Variants in SLC2A12 observed in about 807,000 individuals in gnomAD.
The protein encoded by SLC2A12 is solute carrier family 2, facilitated glucose transporter member 12.
SLC2A12 carries 23 observed loss-of-function variants against 41.8 expected under a neutral mutation model. The ratio of observed to expected loss-of-function variants is 0.55; its 90% confidence interval spans 0.40 to 0.78. The LOEUF (loss-of-function observed/expected upper bound fraction) is 0.78. Among genes scored for constraint, SLC2A12 ranks in the 30% least tolerant of loss-of-function variants. The probability of loss-of-function intolerance (pLI) is 0.00; values close to 1 mark genes in which losing one functional copy is unlikely to be tolerated. For missense variants in SLC2A12, 654 were observed against 745.6 expected (o/e 0.88, Z 1.43); for synonymous variants, 295 against 285.9 (o/e 1.03, Z -0.32).
At chr6:133,997,155 G>A (rs1006754868) in intron 4 of SLC2A12, among the ~76,000 whole-genome samples, 7 of 151,192 alleles carry the variant, frequency 4.6e-5, no homozygotes, top group African/African-American at 1.5e-4. Context: ...TACTTGGGAG[G>A]CTGAGGCAGG....
intron 1 of SLC2A12, among the ~76,000 whole-genome samples, chr6:134,040,379 T>C (rs1262754342): frequency 1.3e-5 from 2 of 152,146 alleles, no homozygotes; most frequent in African/African-American, 4.8e-5. Context: ...ACGCCAGGTC[T>C]CAGGTATTTC....
At chr6:133,998,546 G>A (rs748865205) in intron 4 of SLC2A12, among the ~76,000 whole-genome samples, 1 of 152,238 alleles carries the variant, frequency 6.6e-6, no homozygotes, top group Non-Finnish European at 1.5e-5. Context: ...TACTTTTTGT[G>A]TGTGTGTGCT....
chr6:134,027,755 T>A (rs1005185280), intron 2 of SLC2A12, among the ~76,000 whole-genome samples: 1 of 152,190 alleles, frequency 6.6e-6, no homozygotes, highest in African/African-American at 2.4e-5. Flanking sequence ...AGCAGACTAG[T>A]TATATAAAAT....
intron 2 of SLC2A12, among the ~76,000 whole-genome samples, chr6:134,016,589 A>G (rs1776966219): frequency 6.6e-6 from 1 of 151,564 alleles, no homozygotes; most frequent in Non-Finnish European, 1.5e-5. Flanking sequence ...TAACTTGTTG[A>G]TATTCTAGCT....
chr6:134,043,755 G>A (rs1323765588), intron 1 of SLC2A12, among the ~76,000 whole-genome samples: 1 of 141,656 alleles, frequency 7.1e-6, no homozygotes, highest in Admixed American at 7.4e-5. Flanking sequence ...TCACACCACT[G>A]CACCCTAGCC....
At chr6:134,015,572 T>C (rs1231587522) in intron 2 of SLC2A12, among the ~76,000 whole-genome samples, 1 of 152,218 alleles carries the variant, frequency 6.6e-6, no homozygotes, top group East Asian at 1.9e-4. Flanking sequence ...AATTATCCCA[T>C]AAGAATGGTG....
chr6:134,011,812 TGGGCA>T (rs1467503540), intron 2 of SLC2A12, among the ~76,000 whole-genome samples: 3 of 151,674 alleles, frequency 2.0e-5, no homozygotes, highest in Non-Finnish European at 4.4e-5. Flanking sequence ...GAGCCCGAGG[TGGGCA>T]GATCACCTAA....
In SLC2A12 at chr6:133,991,358, A is replaced by G. The variant is rs539179771; in HGVS notation, c.1701-50T>C. 1.9e-6 allele frequency: 3 copies of G among 1,584,946 alleles called. No homozygotes were observed. In the South Asian group the frequency reaches 3.5e-5, roughly 19 times the overall value. ...AAAATGTCATTCTTAGTTTACATGA[A>G]AAAAATGTGTAGGCTATTATTTTTT... On this transcript the variant is annotated intron_variant, in intron 4 of 4. Coordinates refer to ENST00000275230, the MANE Select transcript of SLC2A12 (RefSeq NM_145176.3).
At chr6:134,032,703 C>A (rs1372786687) in intron 1 of SLC2A12, among the ~76,000 whole-genome samples, 1 of 135,606 alleles carries the variant, frequency 7.4e-6, no homozygotes, top group African/African-American at 2.6e-5. Context: ...GTTTTGAATT[C>A]TAATTCACTG....
Position 134,029,309 on chromosome 6 carries a change from C to T in SLC2A12, c.516G>A (p.Glu172=). ...AAAGAATGCCGATGACAATCATCAG[C>T]TCATTCAGTGACACAAGAAGGCCTC... The part of the protein sequence containing the change: ...HRRGLLVSLN[E]LMIVIGILSA... The change falls in exon 2 of 5, where the codon GAG becomes GAA. Residue 172 remains glutamate, a synonymous_variant. Coordinates refer to ENST00000275230, the MANE Select transcript of SLC2A12 (RefSeq NM_145176.3). 6 of 1,614,190 alleles carry T rather than the reference C, an allele frequency of 3.7e-6. No individual in the cohort carries two copies. Among genetic ancestry groups the T allele is most frequent in the Non-Finnish European group, 4.2e-6 (5 of 1,180,042 alleles).
intron 4 of SLC2A12, among the ~76,000 whole-genome samples, chr6:134,001,329 T>C (rs1471195299): frequency 6.6e-6 from 1 of 152,150 alleles, no homozygotes; most frequent in Non-Finnish European, 1.5e-5. Flanking sequence ...TTAAATGAGA[T>C]AGTTTTAATC....
intron 1 of SLC2A12, among the ~76,000 whole-genome samples, chr6:134,030,558 T>G (rs1777190321): frequency 6.6e-6 from 1 of 152,186 alleles, no homozygotes; most frequent in South Asian, 2.1e-4. Context: ...GGAACACAGA[T>G]GTTTGTTATA....
At chr6:134,041,698 C>T (rs775702634) in intron 1 of SLC2A12, among the ~76,000 whole-genome samples, 3 of 152,146 alleles carry the variant, frequency 2.0e-5, no homozygotes, top group African/African-American at 7.2e-5. Flanking sequence ...CAACATTTTA[C>T]GGCCCAATCT....
At chr6:134,049,821 T>C (rs1283304165) in intron 1 of SLC2A12, among the ~76,000 whole-genome samples, 1 of 152,228 alleles carries the variant, frequency 6.6e-6, no homozygotes, top group African/African-American at 2.4e-5. Context: ...TCAAGGGAGT[T>C]CAACTGCAGA....
chr6:134,038,541 G>A (rs1288366835), intron 1 of SLC2A12, among the ~76,000 whole-genome samples: 2 of 150,186 alleles, frequency 1.3e-5, no homozygotes, highest in Admixed American at 6.6e-5. Context: ...TGTATTTTTA[G>A]TAGAGACAGG....
rs1302338691 is a variant in SLC2A12 at position 134,019,186 on chromosome 6, TA to T, written c.1444+9194del. On this transcript the variant is annotated intron_variant, in intron 2 of 4. Coordinates refer to ENST00000275230, the MANE Select transcript of SLC2A12 (RefSeq NM_145176.3). Reference sequence around the variant, plus strand: ...ATTTATGGGCATATTAATTTTTGGATAAAAAGCCCTAATAATTATTATAAAA... The same window carrying T: ...ATTTATGGGCATATTAATTTTTGGATAAAAGCCCTAATAATTATTATAAAA... Among the ~76,000 whole-genome samples, 7 of 152,146 alleles carry T rather than the reference TA, an allele frequency of 4.6e-5. No homozygotes were observed. The South Asian group carries it at 1.0e-3, about 23-fold the overall frequency.
chr6:133,997,147 C>T (rs1776707029), intron 4 of SLC2A12, among the ~76,000 whole-genome samples: 1 of 144,538 alleles, frequency 6.9e-6, no homozygotes, highest in Middle Eastern at 3.6e-3. Flanking sequence ...GTCCCAGCTA[C>T]TTGGGAGGCT....
At position 134,025,563 on chromosome 6, in the gene SLC2A12, T is replaced by C. The variant is rs1284904077; in HGVS notation, c.1444+2818A>G. ...GAATGTTTTCTCTTTTGTTGTTTTG[T>C]TTTCTTTTTTTGGAGACAGGGTCTC... On this transcript the variant is annotated intron_variant, in intron 2 of 4. Coordinates refer to ENST00000275230, the MANE Select transcript of SLC2A12 (RefSeq NM_145176.3). Among the ~76,000 whole-genome samples, 4 of 152,188 alleles carry C rather than the reference T, an allele frequency of 2.6e-5. No individual in the cohort carries two copies. The East Asian group carries it at 5.8e-4, about 22-fold the overall frequency.
At chr6:134,008,585 T>C (rs1324071055) in intron 2 of SLC2A12, among the ~76,000 whole-genome samples, 3 of 152,216 alleles carry the variant, frequency 2.0e-5, no homozygotes, top group Non-Finnish European at 4.4e-5. Flanking sequence ...GGAATCGCTT[T>C]ACTTTTAATG....
Sources: allele counts gnomAD v4.1 joint callset (sites outside exome capture counted in the v4.1 genomes callset), GRCh38; gene constraint gnomAD v4.1.1; transcripts MANE v1.5; gene names NCBI Gene and HGNC (gene_info 2026-07-23, HGNC 2026-07-21).